PCDHA5: variants seen among roughly 807,000 people sequenced by gnomAD.
The protein encoded by PCDHA5 is protocadherin alpha 5.
A neutral mutation model predicts 61.6 loss-of-function variants in PCDHA5; 43 were observed. The observed-to-expected ratio is 0.70, with a 90% CI of 0.55 to 0.90. PCDHA5 has a LOEUF of 0.90. PCDHA5 is among the 40% of genes least tolerant of loss of function. The pLI is 0.00. For missense variants in PCDHA5, 1,298 were observed against 1,222.7 expected, an observed-to-expected ratio of 1.06 and a Z score of -0.92; for synonymous variants, 627 against 543.9, an observed-to-expected ratio of 1.15 and a Z score of -2.13.
In PCDHA5 at chr5:140,830,129, T is replaced by A. The variant is rs2150181526; in HGVS notation, c.2352+6002T>A. 13 of 1,613,250 alleles carry A rather than the reference T, an allele frequency of 8.1e-6. No homozygotes were observed. In the African/African-American group the frequency reaches 1.7e-4, roughly 22 times the overall value. On this transcript the variant is annotated intron_variant, in intron 1 of 3. Transcript: ENST00000529859. ...GAGTGGCCAGGCTCCAAAGGCGTCA[T>A]CACGGGCGTCGGTGGGCGCCGCGGG...
At chr5:141,000,080 G>C (rs1554257118) in intron 3 of PCDHA5, among the ~76,000 whole-genome samples, 1 of 152,068 alleles carries the variant, frequency 6.6e-6, no homozygotes, top group Non-Finnish European at 1.5e-5. Flanking sequence ...ACAATGCTAG[G>C]CCTGTGAATG....
intron 1 of PCDHA5, among the ~76,000 whole-genome samples, chr5:140,839,337 T>C (rs1776156207): frequency 6.6e-6 from 1 of 151,424 alleles, no homozygotes; most frequent in Non-Finnish European, 1.5e-5. Context: ...CTGAAGTTGA[T>C]AGGGGATCCT....
intron 1 of PCDHA5, among the ~76,000 whole-genome samples, chr5:140,936,450 T>C (rs1217629620): frequency 6.6e-6 from 1 of 152,234 alleles, no homozygotes; most frequent in Non-Finnish European, 1.5e-5. Context: ...TAACCACATC[T>C]GTTTAGTGGT....
At chr5:141,005,311 A>C (rs2098206135) in intron 3 of PCDHA5, among the ~76,000 whole-genome samples, 6 of 152,310 alleles carry the variant, frequency 3.9e-5, no homozygotes, top group Middle Eastern at 6.8e-3. Flanking sequence ...TGAATCTTAC[A>C]GTGGTAGAGA....
At chr5:140,928,998 C>T (rs1448389331) in intron 1 of PCDHA5, 5 of 1,613,784 alleles carry the variant, frequency 3.1e-6, no homozygotes, top group Non-Finnish European at 4.2e-6. Flanking sequence ...TACTTTTCTT[C>T]GTGTGTACCA....
At chr5:140,953,126 C>T (rs1284922743) in intron 1 of PCDHA5, among the ~76,000 whole-genome samples, 2 of 152,096 alleles carry the variant, frequency 1.3e-5, no homozygotes, top group African/African-American at 2.4e-5. Flanking sequence ...AGATCTAAAC[C>T]GTATCACTGT....
chr5:140,843,735 G>A lies in PCDHA5; in HGVS notation c.2352+19608G>A. On this transcript the variant is annotated intron_variant, in intron 1 of 3. Coordinates refer to ENST00000529859, the MANE Select transcript of PCDHA5 (RefSeq NM_018908.3). ...CTCAAAGTAAGTCCATTTAAATTTA[G>A]AACTCATAAATTCTATTTGTGGAAA... The A allele has an allele frequency of 1.9e-6, 3 of 1,548,326 alleles. 1 individual carries two copies. The highest frequency in any genetic ancestry group is 2.7e-6 in the Non-Finnish European group (3 of 1,128,282).
At chr5:140,941,406 T>C (rs1381146519) in intron 1 of PCDHA5, among the ~76,000 whole-genome samples, 1 of 146,240 alleles carries the variant, frequency 6.8e-6, no homozygotes, top group Non-Finnish European at 1.5e-5. Context: ...AACCTCCGCC[T>C]CCCGGGTTCA....
intron 3 of PCDHA5, among the ~76,000 whole-genome samples, chr5:140,985,728 C>G (rs2097165709): frequency 6.7e-6 from 1 of 148,846 alleles, no homozygotes; most frequent in Admixed American, 6.8e-5. Flanking sequence ...TTTTCCTTCA[C>G]TGATGAATTC....
intron 1 of PCDHA5, chr5:140,830,412 C>G (rs2150186226): frequency 6.2e-7 from 1 of 1,614,064 alleles, no homozygotes; most frequent in Non-Finnish European, 8.5e-7. Flanking sequence ...GCCTTTAGCC[C>G]CAGCCTTTCA....
chr5:140,869,499 G>A, intron 1 of PCDHA5: 8 of 1,614,196 alleles, frequency 5.0e-6, no homozygotes, highest in Non-Finnish European at 5.9e-6. Context: ...ACCCGCCGGT[G>A]TTCTCGCTCA....
intron 1 of PCDHA5, among the ~76,000 whole-genome samples, chr5:140,905,229 G>A (rs2071688415): frequency 6.6e-6 from 1 of 152,156 alleles, no homozygotes; most frequent in African/African-American, 2.4e-5. Flanking sequence ...TGAGAGATGA[G>A]GATCCAGTTT....
intron 1 of PCDHA5, among the ~76,000 whole-genome samples, chr5:140,911,234 C>A (rs1554194655): frequency 6.6e-6 from 1 of 151,890 alleles, no homozygotes; most frequent in South Asian, 2.1e-4. Context: ...TTTCTTCTGG[C>A]AAAAAAAGTT....
Position 140,879,462 on chromosome 5 carries a change from G to A in PCDHA5, c.2352+55335G>A, listed in dbSNP as rs927340529. 2.0e-5 allele frequency among the ~76,000 whole-genome samples: 3 copies of A among 152,180 alleles called. No individual in the cohort carries two copies. The South Asian group carries it at 6.2e-4, about 32-fold the overall frequency. ...AAAATGTTACTTTGAAGTCCTAAGAGAATACCGTTGTGATTGGAAATATGG... is the reference window on the plus strand; with the variant it reads ...AAAATGTTACTTTGAAGTCCTAAGAAAATACCGTTGTGATTGGAAATATGG... On this transcript the variant is annotated intron_variant, in intron 1 of 3. Coordinates refer to ENST00000529859, the MANE Select transcript of PCDHA5 (RefSeq NM_018908.3).
At chr5:140,911,934 A>G (rs2075691303) in intron 1 of PCDHA5, among the ~76,000 whole-genome samples, 1 of 152,158 alleles carries the variant, frequency 6.6e-6, no homozygotes, top group East Asian at 1.9e-4. Flanking sequence ...AATAGGATAG[A>G]TGTATATATA....
rs782761361 is a variant in PCDHA5, at chr5:140,927,794, C to T, written c.2353-51155C>T. 1.2e-5 allele frequency: 20 copies of T among 1,614,154 alleles called. No individual in the cohort carries two copies. In the South Asian group the frequency reaches 1.6e-4, roughly 13 times the overall value. Reference sequence around the variant, plus strand: ...GTGCAAGTAGCTGCTTCACTAGGTCCGCCTGAAACGCTCTTGGAGGCATAC... The same window carrying T: ...GTGCAAGTAGCTGCTTCACTAGGTCTGCCTGAAACGCTCTTGGAGGCATAC... On this transcript the variant is annotated intron_variant, in intron 1 of 3. Coordinates refer to ENST00000529859, the MANE Select transcript of PCDHA5 (RefSeq NM_018908.3).
intron 1 of PCDHA5, among the ~76,000 whole-genome samples, chr5:140,974,549 T>C (rs373257165): frequency 6.6e-6 from 1 of 152,216 alleles, no homozygotes; most frequent in African/African-American, 2.4e-5. Context: ...TTTGCTCTTG[T>C]TGCCCAGGCT....
At chr5:140,857,234 C>A (rs781784109) in intron 1 of PCDHA5, 1 of 1,598,590 alleles carries the variant, frequency 6.3e-7, no homozygotes, top group South Asian at 1.1e-5. Context: ...TCCGTTCAAG[C>A]TGGTGTCCAC....
intron 1 of PCDHA5, among the ~76,000 whole-genome samples, chr5:140,964,997 T>C (rs144251011): frequency 3.9e-5 from 6 of 152,316 alleles, no homozygotes; most frequent in African/African-American, 1.4e-4. Context: ...CTTTGAATTC[T>C]GGGTGTCAGG....
Sources: allele counts gnomAD v4.1 joint callset (sites outside exome capture counted in the v4.1 genomes callset), GRCh38; gene constraint gnomAD v4.1.1; transcripts MANE v1.5; gene names NCBI Gene and HGNC (gene_info 2026-07-23, HGNC 2026-07-21).